ATE1: variants seen among roughly 807,000 people sequenced by gnomAD.
ATE1 encodes the protein arginyl-tRNA--protein transferase 1.
A neutral mutation model predicts 70.5 loss-of-function variants in ATE1; 36 were observed. The observed-to-expected ratio is 0.51, with a 90% CI of 0.39 to 0.67. ATE1 has a LOEUF of 0.67. Among genes scored for constraint, ATE1 ranks in the 30% least tolerant of loss-of-function variants. ATE1 has a pLI of 0.00. For missense variants in ATE1, 593 were observed against 629.5 expected (o/e 0.94, Z 0.62); for synonymous variants, 232 against 219.3 (o/e 1.06, Z -0.51).
intron 4 of ATE1, among the ~76,000 whole-genome samples, chr10:121,912,545 G>A (rs1324375330): frequency 2.0e-5 from 3 of 151,524 alleles, no homozygotes; most frequent in African/African-American, 7.3e-5. Flanking sequence ...CCAGCTACTC[G>A]GGAGGCGGAG....
chr10:121,859,507 C>T (rs1163780789), intron 8 of ATE1, among the ~76,000 whole-genome samples: 7 of 152,028 alleles, frequency 4.6e-5, no homozygotes. Context: ...CGGCCCGCCT[C>T]GGCCTCCCAA....
chr10:121,743,391 CA>C lies in ATE1; in HGVS notation c.*288del. 1 of 351,586 alleles carries C rather than the reference CA, an allele frequency of 2.8e-6. No individual in the cohort carries two copies. The allele number at this position is 351,586 out of a possible 1,614,324, so 21.8% of individuals were successfully genotyped here. A position where few individuals can be genotyped will look rare whatever the true frequency, so the allele number is the denominator to read the frequency against. On this transcript the variant is annotated 3_prime_UTR_variant, in exon 12 of 12. Coordinates refer to ENST00000224652, the MANE Select transcript of ATE1 (RefSeq NM_001001976.3). ...TACTTAGATTCACTTCTTCATTTTA[CA>C]AAATACAAACAGGAGAATTTGAGCG...
intron 10 of ATE1, among the ~76,000 whole-genome samples, chr10:121,801,990 A>C (rs1299199436): frequency 1.3e-5 from 2 of 152,164 alleles, no homozygotes; most frequent in African/African-American, 2.4e-5. Context: ...GAGAAATTAC[A>C]ATGAGATAAA....
chr10:121,870,493 A>AGGGG (rs1949815419), intron 7 of ATE1, among the ~76,000 whole-genome samples: 1 of 80,694 alleles, frequency 1.2e-5, no homozygotes, highest in Non-Finnish European at 3.5e-5. Context: ...AGGAAAGACC[A>AGGGG]AGAGAGAGGT....
At chr10:121,889,735 C>T (rs1047805941) in intron 7 of ATE1, among the ~76,000 whole-genome samples, 2 of 151,870 alleles carry the variant, frequency 1.3e-5, no homozygotes, top group African/African-American at 4.8e-5. Context: ...ATCACTTCAG[C>T]CCAGAAGTTT....
intron 11 of ATE1, among the ~76,000 whole-genome samples, chr10:121,778,600 A>G (rs1945846231): frequency 1.1e-5 from 1 of 95,174 alleles, no homozygotes; most frequent in East Asian, 3.6e-4. Flanking sequence ...TTTTTGAGAC[A>G]TTGTCCTGCT....
chr10:121,920,989 G>T (rs1438183565), intron 3 of ATE1, among the ~76,000 whole-genome samples: 1 of 146,734 alleles, frequency 6.8e-6, no homozygotes, highest in Non-Finnish European at 1.5e-5. Flanking sequence ...GCGAGACTCC[G>T]TCTCTTTAAA....
intron 7 of ATE1, chr10:121,899,025 T>C: frequency 6.3e-7 from 1 of 1,580,600 alleles, no homozygotes. Context: ...GATGATATGC[T>C]TCTGAAGGTG....
chr10:121,851,994 C>T (rs746312628), intron 8 of ATE1, among the ~76,000 whole-genome samples: 16 of 152,222 alleles, frequency 1.1e-4, no homozygotes, highest in Non-Finnish European at 1.9e-4. Flanking sequence ...AAAATGGGTG[C>T]ATATTTACTG....
chr10:121,802,171 G>C (rs1946908636), intron 10 of ATE1, among the ~76,000 whole-genome samples: 1 of 152,172 alleles, frequency 6.6e-6, no homozygotes, highest in African/African-American at 2.4e-5. Context: ...CCAGTCGAGA[G>C]ATAACCTGTA....
chr10:121,791,040 G>GTA (rs1197416606), intron 10 of ATE1, among the ~76,000 whole-genome samples: 5 of 145,016 alleles, frequency 3.4e-5, no homozygotes, highest in South Asian at 2.2e-4. Flanking sequence ...GTATATATGT[G>GTA]TATATATATG....
At chr10:121,778,873 G>T (rs1325032020) in intron 11 of ATE1, among the ~76,000 whole-genome samples, 1 of 152,100 alleles carries the variant, frequency 6.6e-6, no homozygotes, top group African/African-American at 2.4e-5. Flanking sequence ...AAAGTTCTGG[G>T]ATTACAGGTT....
At chr10:121,858,870 CA>C (rs1443619464) in intron 8 of ATE1, among the ~76,000 whole-genome samples, 1 of 151,722 alleles carries the variant, frequency 6.6e-6, no homozygotes, top group Non-Finnish European at 1.5e-5. Flanking sequence ...CCGAGGCGGG[CA>C]GATCATCTGA....
At chr10:121,852,729 T>C (rs1185991936) in intron 8 of ATE1, among the ~76,000 whole-genome samples, 1 of 151,938 alleles carries the variant, frequency 6.6e-6, no homozygotes, top group Non-Finnish European at 1.5e-5. Context: ...AAATAAATAA[T>C]AGAAACACAA....
At chr10:121,871,555 G>A (rs1949860970) in intron 7 of ATE1, among the ~76,000 whole-genome samples, 1 of 152,150 alleles carries the variant, frequency 6.6e-6, no homozygotes, top group African/African-American at 2.4e-5. Flanking sequence ...TATCTACTTT[G>A]TAAATGTTTG....
intron 8 of ATE1, among the ~76,000 whole-genome samples, chr10:121,863,112 T>C (rs1465266800): frequency 6.6e-6 from 1 of 152,160 alleles, no homozygotes; most frequent in Non-Finnish European, 1.5e-5. Flanking sequence ...CTCCCTTCAG[T>C]TCTATTAGTT....
chr10:121,821,327 T>G (rs559600070), intron 10 of ATE1, among the ~76,000 whole-genome samples: 1 of 152,266 alleles, frequency 6.6e-6, no homozygotes, highest in East Asian at 1.9e-4. Flanking sequence ...AACAAATTGA[T>G]AAGGTGGACA....
intron 4 of ATE1, among the ~76,000 whole-genome samples, chr10:121,912,278 A>G (rs1183957005): frequency 1.3e-5 from 2 of 152,290 alleles, no homozygotes; most frequent in East Asian, 3.9e-4. Context: ...TCTAATGAGT[A>G]CATCACTCCT....
At chr10:121,760,558 G>A (rs1483610337) in intron 11 of ATE1, among the ~76,000 whole-genome samples, 1 of 152,206 alleles carries the variant, frequency 6.6e-6, no homozygotes, top group Non-Finnish European at 1.5e-5. Context: ...GTCACAAAAT[G>A]CTGCAATCTC....
Sources: gnomAD v4.1 joint callset for allele counts (sites outside exome capture counted in the v4.1 genomes callset) on GRCh38, gnomAD v4.1.1 for gene constraint, MANE v1.5 for transcripts, NCBI Gene and HGNC (gene_info 2026-07-23, HGNC 2026-07-21) for gene names.